Variants in EPS8L2 observed in about 807,000 individuals in gnomAD.
The protein encoded by EPS8L2 is EPS8 signaling adaptor L2.
Under a neutral mutation model 99.4 loss-of-function variants are expected in EPS8L2, and 81 were observed. That is an observed-to-expected ratio of 0.82 (90% CI 0.68 to 0.98). The LOEUF (loss-of-function observed/expected upper bound fraction) is 0.98. Among genes scored for constraint, EPS8L2 ranks in the 50% least tolerant of loss-of-function variants. The pLI is 0.00. For synonymous variants in EPS8L2, 509 were observed against 407.3 expected (o/e 1.25, Z -3.01); for missense variants, 1,155 against 968.8 (o/e 1.19, Z -2.55).
At chr11:722,207 C>G in intron 12 of EPS8L2, 42 bp downstream of exon 12, 1 of 1,597,024 alleles carries the variant, frequency 6.3e-7, no homozygotes. Flanking sequence ...GGTGGGGGCC[C>G]AGAGGCCTCT....
In EPS8L2 at chr11:720,580, G is replaced by A. The variant is rs751397220; in HGVS notation, c.328-17G>A. 19 of 1,592,260 alleles carry A rather than the reference G, an allele frequency of 1.2e-5. 1 individual carries two copies. The East Asian group carries it at 4.1e-4, about 34-fold the overall frequency. ...CAGACCCCGGGTGCGAGTCGTGTCC[G>A]CGCGATGTACCCGCAGGAGGAGCTG... is the stretch of plus-strand genomic sequence containing the variant. On this transcript the variant is annotated splice_polypyrimidine_tract_variant and intron_variant, in intron 5 of 20. Transcript: ENST00000318562.
intron 4 of EPS8L2, among the ~76,000 whole-genome samples, chr11:716,593 T>G (rs2133515001): frequency 6.6e-6 from 1 of 152,328 alleles, no homozygotes; most frequent in South Asian, 2.1e-4. Context: ...TTTTCTAAGA[T>G]ATTCATGGAA....
Position 727,010 on chromosome 11 carries a change from G to A in EPS8L2, c.*29G>A. 1 of 1,507,250 alleles carries A rather than the reference G, an allele frequency of 6.6e-7. No homozygotes were observed. 93.4% of individuals were successfully genotyped at this position (1,507,250 alleles called of 1,614,324 possible). On this transcript the variant is annotated 3_prime_UTR_variant, in exon 21 of 21. Transcript: ENST00000318562. ...CAGCTGCCTTGGGCTGGGGCCTGCG[G>A]AGGGGAAGCCCACCCACAATGCATG...
intron 4 of EPS8L2, 96 bp from the exon 5 acceptor site, chr11:719,966 C>T (rs1590052821): frequency 1.7e-5 from 22 of 1,295,938 alleles, no homozygotes; most frequent in Non-Finnish European, 2.1e-5. Context: ...CCAGGGTTGG[C>T]TGTGGCCCCT....
intron 16 of EPS8L2, among the ~76,000 whole-genome samples, chr11:725,179 C>G (rs1862281430): frequency 6.6e-6 from 1 of 152,234 alleles, no homozygotes; most frequent in African/African-American, 2.4e-5. Context: ...TCCAGGCCAC[C>G]CACTGGGGGA....
At chr11:712,802 G>A (rs939155298) in intron 4 of EPS8L2, among the ~76,000 whole-genome samples, 1 of 152,248 alleles carries the variant, frequency 6.6e-6, no homozygotes, top group Non-Finnish European at 1.5e-5. Context: ...AGCAGCCTGG[G>A]CAGCTAGACC....
chr11:720,170 ATGC>A lies in EPS8L2; in HGVS notation c.281_283del (p.Leu94del), dbSNP rs764384778. ...CAAGGAGAAGATCTGGACCCAGGAG[ATGC>A]TGCTGCAGGTGAACGACCAGTCGCT... On this transcript the variant is annotated inframe_deletion, in exon 5 of 21. Transcript: ENST00000318562. 2 of 1,613,380 alleles carry A rather than the reference ATGC, an allele frequency of 1.2e-6. No individual in the cohort carries two copies. The highest frequency in any genetic ancestry group is 8.5e-7 in the Non-Finnish European group (1 of 1,179,906).
chr11:722,553 G>T lies in EPS8L2; in HGVS notation c.1208+4G>T. 1 of 1,612,738 alleles carries T rather than the reference G, an allele frequency of 6.2e-7. No homozygotes were observed. Among genetic ancestry groups the T allele is most frequent in the Non-Finnish European group, 8.5e-7 (1 of 1,179,818 alleles). Reference sequence around the variant, plus strand: ...GAGAGAGCTGGATGCGGCCCCGGTAGGGCAGGGCAGAGCAGTGCCGGGGCT... The same window carrying T: ...GAGAGAGCTGGATGCGGCCCCGGTATGGCAGGGCAGAGCAGTGCCGGGGCT... On this transcript the variant is annotated splice_donor_region_variant and intron_variant, in intron 13 of 20. Coordinates refer to ENST00000318562, the MANE Select transcript of EPS8L2 (RefSeq NM_022772.4).
chr11:724,450 G>C lies in EPS8L2; in HGVS notation c.1455-274G>C. The C allele has an allele frequency of 2.1e-6, 1 of 480,546 alleles. No individual in the cohort carries two copies. Among genetic ancestry groups the C allele is most frequent in the Non-Finnish European group, 3.8e-6 (1 of 263,388 alleles). 29.8% of individuals were successfully genotyped at this position (480,546 alleles called of 1,614,324 possible). A position where few individuals can be genotyped will look rare whatever the true frequency, so the allele number is the denominator to read the frequency against. The stretch of plus-strand genomic sequence containing the variant: ...GGGTGCCGGACTGGAGACCCCTGAG[G>C]TGGCCTGGGATGGGCCAGCCTTGCT... On this transcript the variant is annotated intron_variant, in intron 15 of 20. Transcript: ENST00000318562. The surrounding 1 kb of genome is among the most constrained non-coding windows in gnomAD (Gnocchi z 5.5).
At position 726,150 on chromosome 11, in the gene EPS8L2, G is replaced by A; in HGVS notation, c.1733G>A (p.Ser578Asn). The A allele has an allele frequency of 6.2e-7, 1 of 1,609,312 alleles. No individual in the cohort carries two copies. Among genetic ancestry groups the A allele is most frequent in the African/African-American group, 1.3e-5 (1 of 74,750 alleles). Residue 578 changes from serine (S) to asparagine (N), a missense_variant, in exon 18 of 21, where the codon AGC (serine) becomes AAC (asparagine). Coordinates refer to ENST00000318562, the MANE Select transcript of EPS8L2 (RefSeq NM_022772.4). ...AGCCCGACCCACAAGCTACCCCCAA[G>A]CTTCCCGGGGAACAAAGACGGTGAG... ...PASPTHKLPP[S>N]FPGNKDELMQ...
intron 1 of EPS8L2, among the ~76,000 whole-genome samples, chr11:708,142 C>T (rs1861780575): frequency 6.6e-6 from 1 of 152,196 alleles, no homozygotes; most frequent in African/African-American, 2.4e-5. Flanking sequence ...TGACCCCCAC[C>T]GTGGCAGACC....
At position 709,594 on chromosome 11, in the gene EPS8L2, C is replaced by T. The variant is rs757351065; in HGVS notation, c.86C>T (p.Pro29Leu). 1.2e-6 allele frequency: 2 copies of T among 1,613,170 alleles called. No individual in the cohort carries two copies. Among genetic ancestry groups the T allele is most frequent in the Admixed American group, 1.7e-5 (1 of 59,996 alleles). The change falls in exon 3 of 21, where the codon CCC becomes CTC. Residue 29 changes from proline (P) to leucine (L), a missense_variant. Coordinates refer to ENST00000318562, the MANE Select transcript of EPS8L2 (RefSeq NM_022772.4). ...TCCGACGGTGTGGCCAAGATGAGCCCCAAGGACCTGTTTGGTGAGTGAGGT... is the reference window on the plus strand; with the variant it reads ...TCCGACGGTGTGGCCAAGATGAGCCTCAAGGACCTGTTTGGTGAGTGAGGT... ...GRSDGVAKMS[P>L]KDLFEQRKKY... is the part of the protein sequence containing the mutation.
At chr11:723,062 A>G (rs950233445) in intron 14 of EPS8L2, among the ~76,000 whole-genome samples, 179 bp from the exon 15 acceptor site, 1 of 122,352 alleles carries the variant, frequency 8.2e-6, no homozygotes, top group African/African-American at 3.5e-5. Context: ...GCCACAGCTC[A>G]GCTGCCCCTA....
intron 1 of EPS8L2, among the ~76,000 whole-genome samples, chr11:707,764 C>T (rs535246183): frequency 6.6e-6 from 1 of 152,280 alleles, no homozygotes; most frequent in African/African-American, 2.4e-5. Context: ...CTGGCCTTCC[C>T]CAGGGGGGTC....
chr11:712,695 T>C (rs570000476), intron 4 of EPS8L2, among the ~76,000 whole-genome samples: 218 of 152,332 alleles, frequency 1.4e-3, no homozygotes, highest in Non-Finnish European at 2.6e-3. Flanking sequence ...CACTACTCTT[T>C]GAGCCTCAGT....
Position 721,225 on chromosome 11 carries a change from G to A in EPS8L2, c.700+19G>A. 6.5e-7 allele frequency: 1 copy of A among 1,533,934 alleles called. No homozygotes were observed. Among genetic ancestry groups the A allele is most frequent in the Non-Finnish European group, 8.8e-7 (1 of 1,142,546 alleles). On this transcript the variant is annotated intron_variant, in intron 8 of 20. Transcript: ENST00000318562. ...GAGCCAGGTGGGCCGAGGGGCTGGA[G>A]GGGGCTCCACAGGGCTCGTTGTGGG...
intron 4 of EPS8L2, among the ~76,000 whole-genome samples, chr11:715,153 A>ACG (rs1861988686): frequency 6.6e-5 from 10 of 151,918 alleles, no homozygotes; most frequent in Admixed American, 2.0e-4. Context: ...GAGGCAGGAG[A>ACG]ATGGCGTGAA....
At position 723,363 on chromosome 11, in the gene EPS8L2, C is replaced by G. The variant is rs775517877; in HGVS notation, c.1454+10C>G. 7.8e-7 allele frequency: 1 copy of G among 1,283,548 alleles called. No individual in the cohort carries two copies. The highest frequency in any genetic ancestry group is 1.1e-6 in the Non-Finnish European group (1 of 922,744). 79.5% of individuals were successfully genotyped at this position (1,283,548 alleles called of 1,614,324 possible). On this transcript the variant is annotated intron_variant, in intron 15 of 20. Coordinates refer to ENST00000318562, the MANE Select transcript of EPS8L2 (RefSeq NM_022772.4). ...CCCCACATACTCACAGGTAAGCCCC[C>G]CTCAAAGTGAGGGAGCATGAAAGTG... is the stretch of plus-strand genomic sequence containing the variant.
chr11:710,852 A>G (rs1346673486), intron 4 of EPS8L2, among the ~76,000 whole-genome samples: 1 of 152,114 alleles, frequency 6.6e-6, no homozygotes, highest in Non-Finnish European at 1.5e-5. Context: ...GGGAGGCCAG[A>G]GCCAGAACTG....
Sources: allele counts gnomAD v4.1 joint callset (sites outside exome capture counted in the v4.1 genomes callset), GRCh38; gene constraint gnomAD v4.1.1; non-coding constraint Gnocchi (gnomAD v3.1); transcripts MANE v1.5; gene names NCBI Gene and HGNC (gene_info 2026-07-23, HGNC 2026-07-21).